KATNAL1: variants seen among roughly 807,000 people sequenced by gnomAD.
The protein encoded by KATNAL1 is katanin catalytic subunit A1 like 1.
A neutral mutation model predicts 55.2 loss-of-function variants in KATNAL1; 32 were observed. That is an observed-to-expected ratio of 0.58 (90% confidence interval 0.44 to 0.78). KATNAL1 has a LOEUF of 0.78. Ranked by LOEUF, KATNAL1 falls within the 30% of genes least tolerant of loss-of-function variation. The pLI is 0.00. For missense variants in KATNAL1, 466 were observed against 600.9 expected, an observed-to-expected ratio of 0.78 and a Z score of 2.35; for synonymous variants, 193 against 193.6, an observed-to-expected ratio of 1.00 and a Z score of 0.02.
At chr13:30,242,456 T>C (rs180831508) in intron 4 of KATNAL1, among the ~76,000 whole-genome samples, 3 of 152,282 alleles carry the variant, frequency 2.0e-5, no homozygotes, top group Admixed American at 6.5e-5. Flanking sequence ...GAGCAGTGAA[T>C]GAAAATACAT....
intron 3 of KATNAL1, among the ~76,000 whole-genome samples, chr13:30,266,086 C>T (rs1226776329): frequency 1.3e-5 from 2 of 150,982 alleles, no homozygotes; most frequent in Non-Finnish European, 2.9e-5. Context: ...CCACTCTCAG[C>T]TCACTGCAAC....
intron 9 of KATNAL1, among the ~76,000 whole-genome samples, chr13:30,217,259 C>T (rs141801666): frequency 0.077 from 11,715 of 151,946 alleles, 483 homozygotes; most frequent in Admixed American, 0.087. Flanking sequence ...GAGACCATCC[C>T]GGCTAACACG....
chr13:30,275,751 T>C (rs547710603), intron 3 of KATNAL1, among the ~76,000 whole-genome samples: 3 of 152,256 alleles, frequency 2.0e-5, no homozygotes, highest in Non-Finnish European at 2.9e-5. Flanking sequence ...GTAATTGATA[T>C]GCTAATTAGC....
chr13:30,224,639 T>C (rs9506276), intron 9 of KATNAL1, among the ~76,000 whole-genome samples: 1 of 150,328 alleles, frequency 6.7e-6, no homozygotes, highest in Non-Finnish European at 1.5e-5. Flanking sequence ...AAAAAAAAAA[T>C]TTTTTTAACA....
intron 4 of KATNAL1, among the ~76,000 whole-genome samples, chr13:30,252,603 T>C (rs1178114744): frequency 1.3e-5 from 2 of 152,152 alleles, no homozygotes; most frequent in Non-Finnish European, 2.9e-5. Flanking sequence ...TTATGGGCAA[T>C]AAACTGAGTT....
chr13:30,224,959 T>C (rs895341712), intron 9 of KATNAL1, among the ~76,000 whole-genome samples: 5 of 152,192 alleles, frequency 3.3e-5, no homozygotes, highest in Admixed American at 2.0e-4. Flanking sequence ...AGGCAAAAAT[T>C]AATCATCTCA....
At chr13:30,282,187 TTAAA>T (rs1415793304) in intron 2 of KATNAL1, among the ~76,000 whole-genome samples, 1 of 151,670 alleles carries the variant, frequency 6.6e-6, no homozygotes, top group Non-Finnish European at 1.5e-5. Context: ...AACTGTCTTA[TTAAA>T]TAATCAAATT....
chr13:30,303,052 A>G (rs925073738), intron 1 of KATNAL1, among the ~76,000 whole-genome samples: 2 of 152,262 alleles, frequency 1.3e-5, no homozygotes, highest in African/African-American at 4.8e-5. Flanking sequence ...ATTAAAAAGA[A>G]TAAGATTTCA....
intron 3 of KATNAL1, among the ~76,000 whole-genome samples, chr13:30,275,917 G>C (rs1880808339): frequency 6.6e-6 from 1 of 152,010 alleles, no homozygotes; most frequent in Non-Finnish European, 1.5e-5. Flanking sequence ...ATAAAGAATA[G>C]CTTATTGAAT....
At chr13:30,278,296 C>A (rs1677171321) in intron 3 of KATNAL1, among the ~76,000 whole-genome samples, 2 of 150,804 alleles carry the variant, frequency 1.3e-5, no homozygotes, top group Admixed American at 1.3e-4. Flanking sequence ...AACACACATA[C>A]AATGGCTATG....
chr13:30,254,847 G>A (rs1878644248), intron 4 of KATNAL1, among the ~76,000 whole-genome samples: 1 of 152,104 alleles, frequency 6.6e-6, no homozygotes, highest in Non-Finnish European at 1.5e-5. Flanking sequence ...TCCTTAATCT[G>A]TAAGATTATC....
chr13:30,250,554 T>G (rs545801199), intron 4 of KATNAL1, among the ~76,000 whole-genome samples: 21 of 152,330 alleles, frequency 1.4e-4, no homozygotes, highest in African/African-American at 4.6e-4. Flanking sequence ...TGTTCATTTG[T>G]ATAATCAATC....
chr13:30,239,986 G>A (rs771155166), intron 6 of KATNAL1, among the ~76,000 whole-genome samples: 15 of 152,096 alleles, frequency 9.9e-5, no homozygotes, highest in Non-Finnish European at 2.1e-4. Context: ...ACCCAGCCAA[G>A]AAGTAGTTTT....
chr13:30,254,325 T>G (rs1340248949), intron 4 of KATNAL1, among the ~76,000 whole-genome samples: 1 of 152,192 alleles, frequency 6.6e-6, no homozygotes, highest in Non-Finnish European at 1.5e-5. Context: ...TACCCTTCAC[T>G]AATCCCAAAA....
intron 3 of KATNAL1, among the ~76,000 whole-genome samples, chr13:30,258,961 G>A (rs984297800): frequency 1.3e-5 from 2 of 152,214 alleles, no homozygotes; most frequent in Non-Finnish European, 2.9e-5. Flanking sequence ...AGTATCGTAA[G>A]TAGGAATCTT....
At chr13:30,288,638 G>A (rs767640349) in intron 1 of KATNAL1, among the ~76,000 whole-genome samples, 1 of 152,122 alleles carries the variant, frequency 6.6e-6, no homozygotes, top group African/African-American at 2.4e-5. Flanking sequence ...AAATACTATT[G>A]AGTCTGCATC....
intron 3 of KATNAL1, among the ~76,000 whole-genome samples, chr13:30,271,968 T>C (rs1173774052): frequency 1.3e-5 from 2 of 151,056 alleles, no homozygotes; most frequent in African/African-American, 4.9e-5. Context: ...TGGTCAACAT[T>C]ATCAAGTATT....
At chr13:30,258,649 T>A (rs562049238) in intron 3 of KATNAL1, among the ~76,000 whole-genome samples, 1 of 152,318 alleles carries the variant, frequency 6.6e-6, no homozygotes, top group East Asian at 1.9e-4. Context: ...CATGATGATA[T>A]CCCTCCCATG....
rs1250237668 is a variant in KATNAL1 at position 30,206,195 on chromosome 13, G to A, written c.*2345C>T. On this transcript the variant is annotated 3_prime_UTR_variant, in exon 11 of 11. Transcript: ENST00000380615. ...ACTCAGGAGGCCGAGGCAGGAGAAT[G>A]GCTTGAACCTGGGAGGCAGAAGTTG... The A allele has an allele frequency of 6.6e-6, 1 of 151,984 alleles. No homozygotes were observed. The highest frequency in any genetic ancestry group is 1.5e-5 in the Non-Finnish European group (1 of 68,060). The allele number at this position is 151,984 out of a possible 1,614,324, so 9.4% of individuals were successfully genotyped here. A position where few individuals can be genotyped will look rare whatever the true frequency, so the allele number is the denominator to read the frequency against.
Sources: allele counts gnomAD v4.1 joint callset (sites outside exome capture counted in the v4.1 genomes callset), GRCh38; gene constraint gnomAD v4.1.1; transcripts MANE v1.5; gene names NCBI Gene and HGNC (gene_info 2026-07-23, HGNC 2026-07-21).